The following SGMS1 variants were observed in gnomAD, a reference collection of about 807,000 sequenced individuals.
The protein encoded by SGMS1 is sphingomyelin synthase 1.
A neutral mutation model predicts 46.2 loss-of-function variants in SGMS1; 13 were observed. The ratio of observed to expected loss-of-function variants is 0.28; its 90% CI spans 0.18 to 0.45. The LOEUF (loss-of-function observed/expected upper bound fraction) is 0.45, where lower values mean the gene tolerates loss of function less well. Ranked by LOEUF, SGMS1 falls within the 20% of genes least tolerant of loss-of-function variation. The pLI, the probability that SGMS1 is intolerant of heterozygous loss-of-function variation, is 1.00. For synonymous variants in SGMS1, 203 were observed against 187.8 expected (o/e 1.08, Z -0.66); for missense variants, 324 against 519.9 (o/e 0.62, Z 3.66).
intron 6 of SGMS1, among the ~76,000 whole-genome samples, chr10:50,390,328 T>C (rs1391775402): frequency 6.6e-6 from 1 of 152,244 alleles, no homozygotes; most frequent in Non-Finnish European, 1.5e-5. Context: ...ATGTTTAGAT[T>C]GCTGGTATAG....
chr10:50,431,844 ATGAC>A (rs1268438656), intron 6 of SGMS1, among the ~76,000 whole-genome samples: 1 of 152,212 alleles, frequency 6.6e-6, no homozygotes, highest in Non-Finnish European at 1.5e-5. Flanking sequence ...AGTGAGCAGA[ATGAC>A]TGATCGCCAA....
chr10:50,400,077 G>A (rs1848910821), intron 6 of SGMS1, among the ~76,000 whole-genome samples: 1 of 151,444 alleles, frequency 6.6e-6, no homozygotes, highest in Admixed American at 6.6e-5. Flanking sequence ...GTACGTGCGT[G>A]AGGTGCTAGG....
chr10:50,475,299 T>C (rs1249242690), intron 3 of SGMS1, among the ~76,000 whole-genome samples: 3 of 152,368 alleles, frequency 2.0e-5, no homozygotes, highest in Admixed American at 1.3e-4. Context: ...TATTTCAGCA[T>C]TCCTGGGGGT....
At chr10:50,315,234 T>A (rs139123574) in intron 8 of SGMS1, among the ~76,000 whole-genome samples, 9 of 152,360 alleles carry the variant, frequency 5.9e-5, no homozygotes, top group African/African-American at 2.2e-4. Flanking sequence ...ATGTTTGGTA[T>A]AATTATAACT....
At chr10:50,376,990 T>C (rs1848531448) in intron 6 of SGMS1, among the ~76,000 whole-genome samples, 1 of 152,214 alleles carries the variant, frequency 6.6e-6, no homozygotes, top group Non-Finnish European at 1.5e-5. Context: ...AGTAAGGAAT[T>C]ATCAGTTTAA....
chr10:50,438,867 G>A (rs551682872), intron 5 of SGMS1, among the ~76,000 whole-genome samples: 5 of 152,292 alleles, frequency 3.3e-5, no homozygotes, highest in African/African-American at 1.2e-4. Context: ...AGGATATAAT[G>A]AAACATATTA....
At chr10:50,562,334 C>CTGAG (rs1838245103) in intron 2 of SGMS1, among the ~76,000 whole-genome samples, 1 of 131,152 alleles carries the variant, frequency 7.6e-6, no homozygotes, top group African/African-American at 2.8e-5. Flanking sequence ...CAAACACTCT[C>CTGAG]TGAGTGTGTG....
chr10:50,338,031 C>T (rs1180324029), intron 7 of SGMS1, among the ~76,000 whole-genome samples: 2 of 152,134 alleles, frequency 1.3e-5, no homozygotes, highest in South Asian at 2.1e-4. Context: ...ATTAACAAAA[C>T]CCCTAGAAAC....
chr10:50,337,723 A>G (rs1847738460), intron 7 of SGMS1, among the ~76,000 whole-genome samples: 1 of 152,190 alleles, frequency 6.6e-6, no homozygotes, highest in South Asian at 2.1e-4. Flanking sequence ...GCATCTGACA[A>G]AAGCAACTGC....
At chr10:50,339,563 G>C (rs1589392804) in intron 7 of SGMS1, among the ~76,000 whole-genome samples, 1 of 152,080 alleles carries the variant, frequency 6.6e-6, no homozygotes, top group South Asian at 2.1e-4. Context: ...CCCTTACACT[G>C]GCCAGAATAT....
chr10:50,484,671 A>G (rs1740881423), intron 3 of SGMS1, among the ~76,000 whole-genome samples: 3 of 152,254 alleles, frequency 2.0e-5, no homozygotes, highest in African/African-American at 7.2e-5. Context: ...AACTGAATCC[A>G]GAAGCACATC....
Position 50,479,400 on chromosome 10 carries a change from C to T in SGMS1, c.-497-12468G>A, listed in dbSNP as rs1328153921. On this transcript the variant is annotated intron_variant, in intron 3 of 10. Coordinates refer to ENST00000361781, the MANE Select transcript of SGMS1 (RefSeq NM_147156.4). ...TTAAAGTAGTAACAACTATGGGCTA[C>T]CAAGCATTGTGTCCCTTAGGAGTCC... Among the ~76,000 whole-genome samples, 14 of 152,232 alleles carry T rather than the reference C, an allele frequency of 9.2e-5. No homozygotes were observed. In the South Asian group the frequency reaches 1.9e-3, roughly 20 times the overall value.
At chr10:50,606,027 C>A (rs1324716183) in intron 1 of SGMS1, among the ~76,000 whole-genome samples, 1 of 152,094 alleles carries the variant, frequency 6.6e-6, no homozygotes, top group African/African-American at 2.4e-5. Flanking sequence ...TTGTCTTGAA[C>A]AAATATTTGT....
At chr10:50,559,051 G>T (rs1838211974) in intron 2 of SGMS1, among the ~76,000 whole-genome samples, 1 of 152,092 alleles carries the variant, frequency 6.6e-6, no homozygotes. Context: ...AGCTGCTGCA[G>T]ACTGGCCCAG....
intron 6 of SGMS1, among the ~76,000 whole-genome samples, chr10:50,381,113 G>T (rs1848597472): frequency 6.6e-6 from 1 of 151,672 alleles, no homozygotes; most frequent in Admixed American, 6.6e-5. Context: ...ACAAGTGTGA[G>T]CCACCATGCC....
At chr10:50,381,344 ACTGT>A (rs1181506405) in intron 6 of SGMS1, among the ~76,000 whole-genome samples, 24 of 152,260 alleles carry the variant, frequency 1.6e-4, no homozygotes, top group African/African-American at 5.5e-4. Flanking sequence ...AAGCAAAAGC[ACTGT>A]AAACAAACTT....
chr10:50,602,723 G>GAT (rs1385597576), intron 1 of SGMS1, among the ~76,000 whole-genome samples: 1 of 152,162 alleles, frequency 6.6e-6, no homozygotes, highest in Non-Finnish European at 1.5e-5. Flanking sequence ...CTGGAAGCTG[G>GAT]ATATATATGC....
At chr10:50,579,143 TA>T (rs1171351756) in intron 2 of SGMS1, among the ~76,000 whole-genome samples, 2 of 151,404 alleles carry the variant, frequency 1.3e-5, no homozygotes, top group Non-Finnish European at 2.9e-5. Context: ...AATCAGAGAA[TA>T]AAAAAACTGT....
Position 50,344,307 on chromosome 10 carries a change from A to G in SGMS1, c.-193T>C, listed in dbSNP as rs1051439607. 1 of 572,460 alleles carries G rather than the reference A, an allele frequency of 1.7e-6. No homozygotes were observed. The highest frequency in any genetic ancestry group is 2.9e-5 in the East Asian group (1 of 34,840). The allele number at this position is 572,460 out of a possible 1,614,324, so 35.5% of individuals were successfully genotyped here. A position where few individuals can be genotyped will look rare whatever the true frequency, so the allele number is the denominator to read the frequency against. ...GCTGTCCAGGGTTCCTGAGCGCCCAAGTATTAATTCACCTCATTTTTGAGC... is the reference window on the plus strand; with the variant it reads ...GCTGTCCAGGGTTCCTGAGCGCCCAGGTATTAATTCACCTCATTTTTGAGC... On this transcript the variant is annotated 5_prime_UTR_variant, in exon 7 of 11. Coordinates refer to ENST00000361781, the MANE Select transcript of SGMS1 (RefSeq NM_147156.4).
Sources: gnomAD v4.1 joint callset for allele counts (sites outside exome capture counted in the v4.1 genomes callset) on GRCh38, gnomAD v4.1.1 for gene constraint, MANE v1.5 for transcripts, NCBI Gene and HGNC (gene_info 2026-07-23, HGNC 2026-07-21) for gene names.